RALGAPA1: variants seen among roughly 807,000 people sequenced by gnomAD.
RALGAPA1 encodes the protein ral GTPase-activating protein subunit alpha-1.
Under a neutral mutation model 269.6 loss-of-function variants are expected in RALGAPA1, and 52 were observed. The observed-to-expected ratio is 0.19, with a 90% confidence interval of 0.15 to 0.24. The LOEUF (loss-of-function observed/expected upper bound fraction) is 0.24. Among genes scored for constraint, RALGAPA1 ranks in the 10% least tolerant of loss-of-function variants. The probability of loss-of-function intolerance (pLI) is 1.00; values close to 1 mark genes in which losing one functional copy is unlikely to be tolerated. For synonymous variants in RALGAPA1, 817 were observed against 1,008.3 expected (o/e 0.81, Z 3.60); for missense variants, 1,917 against 3,013.9 (o/e 0.64, Z 8.52).
At chr14:35,622,037 T>G (rs2060662651) in intron 35 of RALGAPA1, among the ~76,000 whole-genome samples, 1 of 152,170 alleles carries the variant, frequency 6.6e-6, no homozygotes, top group Non-Finnish European at 1.5e-5. Flanking sequence ...GGATTATAAA[T>G]CATGCTACTA....
chr14:35,598,270 TC>T (rs1234404092), intron 36 of RALGAPA1, among the ~76,000 whole-genome samples: 1 of 152,152 alleles, frequency 6.6e-6, no homozygotes, highest in African/African-American at 2.4e-5. Context: ...ATAATGTCCT[TC>T]TGGTCTCCAG....
rs767890778 is a variant in RALGAPA1, at chr14:35,674,682, C to T, written c.4652G>A (p.Cys1551Tyr). Residue 1551 changes from cysteine (C) to tyrosine (Y), a missense_variant, in exon 23 of 42, where the codon TGT becomes TAT. Physicochemically the swap from Cys to Tyr is radical, Grantham distance 194. Transcript: ENST00000680220. ...LEISEFPSEC[C>Y]SVMAGGTLTG... is the part of the protein sequence containing the mutation. ...CAGAGTACCTCCTGCCATCACACTA[C>T]AACATTCTGATGGAAATTCACTAAT... The T allele has an allele frequency of 9.7e-6, 15 of 1,547,542 alleles. No homozygotes were observed. The highest frequency in any genetic ancestry group is 8.9e-7 in the Non-Finnish European group (1 of 1,128,680).
At chr14:35,797,706 G>C (rs972414047) in intron 1 of RALGAPA1, among the ~76,000 whole-genome samples, 2 of 151,664 alleles carry the variant, frequency 1.3e-5, no homozygotes, top group African/African-American at 4.8e-5. Context: ...TTAGCCGGGA[G>C]TGGTGGCACC....
chr14:35,562,949 A>C (rs1342415099), intron 39 of RALGAPA1, among the ~76,000 whole-genome samples: 2 of 130,600 alleles, frequency 1.5e-5, no homozygotes, highest in African/African-American at 5.6e-5. Flanking sequence ...TGAACCCAGG[A>C]GGTGGAGCTT....
intron 37 of RALGAPA1, among the ~76,000 whole-genome samples, chr14:35,587,252 A>C (rs1001462796): frequency 6.6e-6 from 1 of 152,180 alleles, no homozygotes; most frequent in Non-Finnish European, 1.5e-5. Context: ...ATTTGCGTAG[A>C]GGTGTTTATA....
At chr14:35,768,003 A>G (rs377389333) in intron 4 of RALGAPA1, among the ~76,000 whole-genome samples, 25 of 152,104 alleles carry the variant, frequency 1.6e-4, no homozygotes, top group East Asian at 9.6e-4. Flanking sequence ...TCGAACTCCC[A>G]TGCTCAAGCG....
intron 4 of RALGAPA1, among the ~76,000 whole-genome samples, chr14:35,770,606 T>C (rs2074539219): frequency 6.6e-6 from 1 of 152,232 alleles, no homozygotes; most frequent in African/African-American, 2.4e-5. Flanking sequence ...TTTAGCACTT[T>C]GCATTTTTCT....
chr14:35,682,400 A>G (rs913922079), intron 21 of RALGAPA1, among the ~76,000 whole-genome samples: 1 of 151,672 alleles, frequency 6.6e-6, no homozygotes, highest in African/African-American at 2.4e-5. Flanking sequence ...TCCCGGGTTC[A>G]TGCCATTCTC....
At chr14:35,605,989 G>GAAGAGA (rs2059575231) in intron 35 of RALGAPA1, among the ~76,000 whole-genome samples, 1 of 152,186 alleles carries the variant, frequency 6.6e-6, no homozygotes, top group Non-Finnish European at 1.5e-5. Flanking sequence ...TTTGACAAAT[G>GAAGAGA]AAGAGAAAGA....
chr14:35,773,211 T>C (rs1567201897), intron 3 of RALGAPA1, among the ~76,000 whole-genome samples: 2 of 152,142 alleles, frequency 1.3e-5, no homozygotes, highest in Non-Finnish European at 2.9e-5. Context: ...TGCCCTAAAC[T>C]GCACAGAATA....
At chr14:35,645,239 C>T (rs1184068409) in intron 31 of RALGAPA1, among the ~76,000 whole-genome samples, 1 of 152,052 alleles carries the variant, frequency 6.6e-6, no homozygotes, top group Non-Finnish European at 1.5e-5. Context: ...GACCTAATTA[C>T]CTCTCAAAGG....
In RALGAPA1 at chr14:35,627,706, A is replaced by T; in HGVS notation, c.6241T>A (p.Ser2081Thr). 6.2e-7 allele frequency: 1 copy of T among 1,609,974 alleles called. No individual in the cohort carries two copies. Among genetic ancestry groups the T allele is most frequent in the Non-Finnish European group, 8.5e-7 (1 of 1,178,564 alleles). The change falls in exon 34 of 42, where the codon TCA becomes ACA. Residue 2081 changes from serine to threonine, a missense_variant. Physicochemically the swap from Ser to Thr is moderately conservative, Grantham distance 58. Transcript: ENST00000680220. The stretch of plus-strand genomic sequence containing the variant: ...CCTCCTCCAGGCATATTCTCTTCTG[A>T]TCTGATCTGGATACAGGACACTAAG... ...TTLVSCIQIR[S>T]EENMPGGGLS...
intron 1 of RALGAPA1, among the ~76,000 whole-genome samples, chr14:35,779,106 T>G (rs959347192): frequency 6.6e-6 from 1 of 152,212 alleles, no homozygotes; most frequent in Non-Finnish European, 1.5e-5. Flanking sequence ...ATAAGAATAA[T>G]AGTCATCAAA....
intron 35 of RALGAPA1, among the ~76,000 whole-genome samples, chr14:35,621,435 T>C (rs145164671): frequency 6.0e-4 from 92 of 152,238 alleles, no homozygotes; most frequent in African/African-American, 2.0e-3. Context: ...GGAAATACCA[T>C]TCAGGACATA....
At chr14:35,748,910 C>CA (rs2072409223) in intron 9 of RALGAPA1, 86 bp from the exon 10 acceptor site, 1 of 1,419,566 alleles carries the variant, frequency 7.0e-7, no homozygotes, top group Non-Finnish European at 9.2e-7. Flanking sequence ...GTAATACTGA[C>CA]AAAATCCAAA....
Position 35,595,204 on chromosome 14 carries a change from T to C in RALGAPA1, c.7209+430A>G, listed in dbSNP as rs571462916. ...CTCAAAGGATACAAAGTAGCAGATA[T>C]GTAGGATGAACAAGTCTAGAGATTT... On this transcript the variant is annotated intron_variant, in intron 37 of 41. Coordinates refer to ENST00000680220, the MANE Select transcript of RALGAPA1 (RefSeq NM_001346249.2). Among the ~76,000 whole-genome samples, 7 of 151,914 alleles carry C rather than the reference T, an allele frequency of 4.6e-5. No homozygotes were observed. In the East Asian group the frequency reaches 1.2e-3, roughly 25 times the overall value.
At chr14:35,692,343 AT>A (rs1229681790) in intron 17 of RALGAPA1, among the ~76,000 whole-genome samples, 1 of 152,002 alleles carries the variant, frequency 6.6e-6, no homozygotes, top group East Asian at 1.9e-4. Flanking sequence ...ATTAGTTTTA[AT>A]TTTTAATTTC....
chr14:35,614,800 G>A (rs1250977339), intron 35 of RALGAPA1, among the ~76,000 whole-genome samples: 4 of 151,980 alleles, frequency 2.6e-5, no homozygotes, highest in African/African-American at 4.8e-5. Flanking sequence ...CAGTGTTTTT[G>A]CTTCTTCAGG....
chr14:35,654,514 G>C, intron 29 of RALGAPA1, 37 bp from the exon 30 acceptor site: 1 of 1,553,794 alleles, frequency 6.4e-7, no homozygotes, highest in Non-Finnish European at 8.7e-7. Context: ...AAATTTTCAT[G>C]ATGAACTTTT....
Sources: allele counts gnomAD v4.1 joint callset (sites outside exome capture counted in the v4.1 genomes callset), GRCh38; gene constraint gnomAD v4.1.1; transcripts MANE v1.5; gene names NCBI Gene and HGNC (gene_info 2026-07-23, HGNC 2026-07-21).